The following MED12L variants were observed in gnomAD, a reference collection of about 807,000 sequenced individuals.
MED12L encodes mediator complex subunit 12L, also known as mediator of RNA polymerase II transcription subunit 12-like protein.
MED12L carries 60 observed loss-of-function variants against 281.3 expected under a neutral mutation model. The ratio of observed to expected loss-of-function variants is 0.21; its 90% CI spans 0.17 to 0.26. The LOEUF (loss-of-function observed/expected upper bound fraction) is 0.26, where lower values mean the gene tolerates loss of function less well. Among genes scored for constraint, MED12L ranks in the 10% least tolerant of loss-of-function variants. The probability of loss-of-function intolerance (pLI) is 1.00; values close to 1 mark genes in which losing one functional copy is unlikely to be tolerated. For synonymous variants in MED12L, 974 were observed against 987.2 expected, an observed-to-expected ratio of 0.99 and a Z score of 0.25; for missense variants, 2,146 against 2,680.9, an observed-to-expected ratio of 0.80 and a Z score of 4.41.
At chr3:151,130,744 A>G (rs1186924979) in intron 5 of MED12L, among the ~76,000 whole-genome samples, 1 of 152,220 alleles carries the variant, frequency 6.6e-6, no homozygotes, top group African/African-American at 2.4e-5. Flanking sequence ...GCGCTTCCTA[A>G]GAAAAGCCTT....
intron 7 of MED12L, among the ~76,000 whole-genome samples, 154 bp from the exon 8 acceptor site, chr3:151,159,678 G>C (rs1042291098): frequency 6.6e-6 from 1 of 151,740 alleles, no homozygotes; most frequent in Admixed American, 6.6e-5. Flanking sequence ...AAAATTATAC[G>C]TGTGGCTCAC....
chr3:151,215,067 AC>A (rs1339614296), intron 16 of MED12L, among the ~76,000 whole-genome samples: 1 of 152,030 alleles, frequency 6.6e-6, no homozygotes, highest in Non-Finnish European at 1.5e-5. Flanking sequence ...TCAAATGTTA[AC>A]CGGTATTTTT....
intron 16 of MED12L, among the ~76,000 whole-genome samples, chr3:151,250,438 T>G (rs565384915): frequency 1.3e-5 from 2 of 152,188 alleles, no homozygotes; most frequent in Admixed American, 6.5e-5. Context: ...AATTCTCCAT[T>G]TATCCTTGCC....
chr3:151,219,133 A>G (rs999886162), intron 16 of MED12L, among the ~76,000 whole-genome samples: 6 of 152,188 alleles, frequency 3.9e-5, no homozygotes, highest in South Asian at 2.1e-4. Context: ...AAGAATGTCA[A>G]TGCCAAAGAT....
At chr3:151,182,368 C>T (rs1560127967) in intron 11 of MED12L, among the ~76,000 whole-genome samples, 1 of 152,046 alleles carries the variant, frequency 6.6e-6, no homozygotes, top group Non-Finnish European at 1.5e-5. Flanking sequence ...ATGTTCCCAC[C>T]TAAAATCCTT....
chr3:151,251,022 C>G (rs148006040), intron 16 of MED12L, among the ~76,000 whole-genome samples: 1 of 152,170 alleles, frequency 6.6e-6, no homozygotes, highest in African/African-American at 2.4e-5. Flanking sequence ...TGATGATTCT[C>G]TCTGTGGTAC....
At chr3:151,229,962 T>G (rs1731306853) in intron 16 of MED12L, among the ~76,000 whole-genome samples, 3 of 151,886 alleles carry the variant, frequency 2.0e-5, no homozygotes, top group South Asian at 4.1e-4. Context: ...TTGGGATCTG[T>G]TTTTTTGTTT....
Position 151,128,753 on chromosome 3 carries a change from G to A in MED12L, c.556+769G>A, listed in dbSNP as rs151076124. Reference sequence around the variant, plus strand: ...CCTCTACTTCTGGTTATGTTCTCACGTTATTATTTTATTCAATGTCCATCT... The same window carrying A: ...CCTCTACTTCTGGTTATGTTCTCACATTATTATTTTATTCAATGTCCATCT... On this transcript the variant is annotated intron_variant, in intron 5 of 44. Transcript: ENST00000687756. Among the ~76,000 whole-genome samples the A allele has an allele frequency of 2.5e-3, 381 of 152,156 alleles. 2 individuals are homozygous for A. Among genetic ancestry groups the A allele is most frequent in the Middle Eastern group, 0.017 (5 of 294 alleles).
chr3:151,364,408 C>T (rs1755026153), intron 21 of MED12L, among the ~76,000 whole-genome samples: 1 of 152,058 alleles, frequency 6.6e-6, no homozygotes, highest in Non-Finnish European at 1.5e-5. Flanking sequence ...TTTTCACTTC[C>T]ATAGAATTTG....
chr3:151,165,168 A>C (rs1720541570), intron 9 of MED12L, among the ~76,000 whole-genome samples: 1 of 152,228 alleles, frequency 6.6e-6, no homozygotes, highest in Non-Finnish European at 1.5e-5. Flanking sequence ...TGTCCTAAAA[A>C]AGAAATTTCA....
In MED12L at chr3:151,383,898, T is replaced by TA. The variant is rs1391690722; in HGVS notation, c.4790+11dup. ...ACATGCACACTAACAAGTATGTTTT[T>TA]ATCACTTCACATTGATTTTGCTACA... On this transcript the variant is annotated intron_variant, in intron 34 of 44. Coordinates refer to ENST00000687756, the MANE Select transcript of MED12L (RefSeq NM_001393769.1). 6.2e-7 allele frequency: 1 copy of TA among 1,606,226 alleles called. No individual in the cohort carries two copies. The highest frequency in any genetic ancestry group is 8.5e-7 in the Non-Finnish European group (1 of 1,173,586).
chr3:151,111,751 C>G (rs1484660071), intron 2 of MED12L, among the ~76,000 whole-genome samples: 3 of 152,176 alleles, frequency 2.0e-5, no homozygotes, highest in East Asian at 3.9e-4. Flanking sequence ...CTGTGAACCT[C>G]CTTTTCAGAA....
At position 151,190,784 on chromosome 3, in the gene MED12L, C is replaced by A. The variant is rs1299988784; in HGVS notation, c.1821C>A (p.Ile607=). 6.2e-7 allele frequency: 1 copy of A among 1,614,220 alleles called. No homozygotes were observed. The highest frequency in any genetic ancestry group is 8.5e-7 in the Non-Finnish European group (1 of 1,180,040). Residue 607 remains isoleucine, a synonymous_variant, in exon 14 of 45, where the codon ATC becomes ATA. Coordinates refer to ENST00000687756, the MANE Select transcript of MED12L (RefSeq NM_001393769.1). ...VNLVLLFCEF[I]RHDVFSHDAY... Reference sequence around the variant, plus strand: ...TGGTGCTGCTCTTCTGCGAGTTCATCCGCCATGATGTCTTCTCCCATGACG... The same window carrying A: ...TGGTGCTGCTCTTCTGCGAGTTCATACGCCATGATGTCTTCTCCCATGACG...
chr3:151,436,585 C>T lies in MED12L; in HGVS notation c.*3781C>T, dbSNP rs1251609512. Reference sequence around the variant, plus strand: ...TTGCATGTTCATTGTAAATTTAATACTGTAAATGTATTCAAATTCATTTAC... The same window carrying T: ...TTGCATGTTCATTGTAAATTTAATATTGTAAATGTATTCAAATTCATTTAC... On this transcript the variant is annotated 3_prime_UTR_variant, in exon 45 of 45. Coordinates refer to ENST00000687756, the MANE Select transcript of MED12L (RefSeq NM_001393769.1). The T allele has an allele frequency of 2.6e-6, 2 of 755,300 alleles. No homozygotes were observed. The highest frequency in any genetic ancestry group is 2.2e-6 in the Non-Finnish European group (1 of 458,472). 46.8% of individuals were successfully genotyped at this position (755,300 alleles called of 1,614,324 possible). A position where few individuals can be genotyped will look rare whatever the true frequency, so the allele number is the denominator to read the frequency against.
intron 16 of MED12L, among the ~76,000 whole-genome samples, chr3:151,275,655 G>A (rs748612756): frequency 1.3e-5 from 2 of 152,110 alleles, no homozygotes; most frequent in Non-Finnish European, 2.9e-5. Context: ...TTAATTACTA[G>A]ATTTATCCTT....
chr3:151,415,676 A>G (rs531795633), intron 42 of MED12L, among the ~76,000 whole-genome samples: 1 of 152,292 alleles, frequency 6.6e-6, no homozygotes, highest in East Asian at 1.9e-4. Context: ...ACAAAACAAA[A>G]CAACTATTAA....
chr3:151,337,771 G>C (rs751585775), intron 16 of MED12L: 2 of 1,580,854 alleles, frequency 1.3e-6, no homozygotes, highest in Non-Finnish European at 1.7e-6. Context: ...TTGCTTTAAC[G>C]AGTTCTGAAC....
At chr3:151,125,348 T>G (rs939259624) in intron 4 of MED12L, among the ~76,000 whole-genome samples, 1 of 152,214 alleles carries the variant, frequency 6.6e-6, no homozygotes, top group Non-Finnish European at 1.5e-5. Context: ...CATGGGGTTC[T>G]GCTAGTACGG....
At chr3:151,294,181 G>A (rs1048408) in intron 16 of MED12L, 740,412 of 1,579,054 alleles carry the variant, frequency 0.47, 175,829 homozygotes, top group Middle Eastern at 0.6. Flanking sequence ...ACACATCAGT[G>A]TAATCATAAT....
Sources: gnomAD v4.1 joint callset for allele counts (sites outside exome capture counted in the v4.1 genomes callset) on GRCh38, gnomAD v4.1.1 for gene constraint, MANE v1.5 for transcripts, NCBI Gene and HGNC (gene_info 2026-07-23, HGNC 2026-07-21) for gene names.